Variants in DSCAM observed in about 807,000 individuals in gnomAD.
DSCAM encodes the protein DS cell adhesion molecule.
DSCAM carries 47 observed loss-of-function variants against 217.7 expected under a neutral mutation model. That is an observed-to-expected ratio of 0.22 (90% CI 0.17 to 0.28). The LOEUF is 0.28. Ranked by LOEUF, DSCAM falls within the 10% of genes least tolerant of loss-of-function variation. The probability of loss-of-function intolerance (pLI) is 1.00; values close to 1 mark genes in which losing one functional copy is unlikely to be tolerated. For synonymous variants in DSCAM, 1,056 were observed against 1,015.3 expected, an observed-to-expected ratio of 1.04 and a Z score of -0.76; for missense variants, 2,080 against 2,618.3, an observed-to-expected ratio of 0.79 and a Z score of 4.49.
At chr21:40,495,581 C>T (rs979632655) in intron 3 of DSCAM, among the ~76,000 whole-genome samples, 2 of 152,028 alleles carry the variant, frequency 1.3e-5, no homozygotes, top group African/African-American at 4.8e-5. Flanking sequence ...ACATTGTACA[C>T]AATGATGAAA....
chr21:40,167,011 C>T (rs2090602350), intron 16 of DSCAM, among the ~76,000 whole-genome samples: 1 of 151,052 alleles, frequency 6.6e-6, no homozygotes, highest in Non-Finnish European at 1.5e-5. Context: ...GATACAACCA[C>T]TTTATTCTCT....
intron 8 of DSCAM, among the ~76,000 whole-genome samples, chr21:40,336,036 T>G (rs1161895723): frequency 6.6e-6 from 1 of 152,194 alleles, no homozygotes; most frequent in Admixed American, 6.5e-5. Flanking sequence ...ACATAACAGT[T>G]TTATTACATC....
chr21:40,436,545 T>C (rs911152330), intron 3 of DSCAM, among the ~76,000 whole-genome samples: 1 of 152,122 alleles, frequency 6.6e-6, no homozygotes, highest in Admixed American at 6.6e-5. Flanking sequence ...GATTCTTAAC[T>C]CTCCACTGAG....
At chr21:40,327,550 C>T (rs2074331131) in intron 8 of DSCAM, among the ~76,000 whole-genome samples, 1 of 151,530 alleles carries the variant, frequency 6.6e-6, no homozygotes, top group Non-Finnish European at 1.5e-5. Flanking sequence ...CTTTCTCTTG[C>T]CTAATTGCTT....
chr21:40,828,924 C>A (rs376780082), intron 1 of DSCAM, among the ~76,000 whole-genome samples: 2 of 152,198 alleles, frequency 1.3e-5, no homozygotes, highest in Non-Finnish European at 2.9e-5. Context: ...TCCTGAAGTG[C>A]TGGGATTACA....
At chr21:40,648,017 G>A (rs1047113641) in intron 3 of DSCAM, among the ~76,000 whole-genome samples, 1 of 152,164 alleles carries the variant, frequency 6.6e-6, no homozygotes, top group Admixed American at 6.5e-5. Flanking sequence ...CTTGGTGCAT[G>A]CAACAGCACA....
At chr21:40,014,073 A>G (rs1470765578) in intron 32 of DSCAM, among the ~76,000 whole-genome samples, 3 of 152,216 alleles carry the variant, frequency 2.0e-5, no homozygotes, top group Non-Finnish European at 4.4e-5. Context: ...TGCCACGCAA[A>G]CATAACCTCA....
chr21:40,800,293 A>C (rs897842386), intron 1 of DSCAM, among the ~76,000 whole-genome samples: 5 of 152,170 alleles, frequency 3.3e-5, no homozygotes, highest in African/African-American at 1.2e-4. Context: ...TAAGACAGAA[A>C]ATTGGTACCA....
intron 1 of DSCAM, among the ~76,000 whole-genome samples, chr21:40,713,249 G>A (rs1250114396): frequency 1.3e-5 from 2 of 152,108 alleles, no homozygotes; most frequent in South Asian, 2.1e-4. Flanking sequence ...ACTTTTCACT[G>A]GTGTCATATA....
chr21:40,546,631 G>A (rs558411095), intron 3 of DSCAM, among the ~76,000 whole-genome samples: 1 of 152,292 alleles, frequency 6.6e-6, no homozygotes, highest in East Asian at 1.9e-4. Flanking sequence ...GGACCTCAGT[G>A]GCCTTTGGTT....
intron 22 of DSCAM, 113 bp from the exon 23 acceptor site, chr21:40,085,878 T>C: frequency 2.2e-6 from 2 of 930,174 alleles, no homozygotes; most frequent in Non-Finnish European, 3.0e-6. Context: ...GGAAGCTTCA[T>C]ATTTCTTGCA....
At chr21:40,620,033 A>C (rs1345651217) in intron 3 of DSCAM, among the ~76,000 whole-genome samples, 3 of 129,030 alleles carry the variant, frequency 2.3e-5, no homozygotes, top group Non-Finnish European at 4.9e-5. Flanking sequence ...AGAAAGAGAG[A>C]GAGAAAGAGA....
chr21:40,094,976 C>G (rs1374674900), intron 20 of DSCAM, among the ~76,000 whole-genome samples: 1 of 152,094 alleles, frequency 6.6e-6, no homozygotes, highest in African/African-American at 2.4e-5. Context: ...ACAGCGATAC[C>G]ATGGAGTCTG....
chr21:40,160,347 T>C (rs1457332007), intron 16 of DSCAM, among the ~76,000 whole-genome samples: 1 of 152,232 alleles, frequency 6.6e-6, no homozygotes, highest in Non-Finnish European at 1.5e-5. Flanking sequence ...TGTATTCTAA[T>C]TATATATAAT....
At chr21:40,457,937 T>G (rs1269160035) in intron 3 of DSCAM, among the ~76,000 whole-genome samples, 2 of 152,176 alleles carry the variant, frequency 1.3e-5, no homozygotes, top group Non-Finnish European at 2.9e-5. Flanking sequence ...GCATGGCCCT[T>G]TATGATGAGT....
At chr21:40,761,759 G>A (rs1006152265) in intron 1 of DSCAM, among the ~76,000 whole-genome samples, 2 of 152,144 alleles carry the variant, frequency 1.3e-5, no homozygotes, top group Middle Eastern at 3.2e-3. Context: ...TACTTTCAGG[G>A]ATCATTTCTA....
chr21:40,739,220 T>C (rs2091096971), intron 1 of DSCAM, among the ~76,000 whole-genome samples: 1 of 148,844 alleles, frequency 6.7e-6, no homozygotes, highest in South Asian at 2.2e-4. Context: ...AAGAGGACAA[T>C]GGCAGGAGCA....
In DSCAM at chr21:40,638,526, T is replaced by G. The variant is rs980794150; in HGVS notation, c.508+54284A>C. ...GCAAAGGAACTCAGAGTTTATAAAATTTAAATATAAGATAGACAGTCACAA... is the reference window on the plus strand; with the variant it reads ...GCAAAGGAACTCAGAGTTTATAAAAGTTAAATATAAGATAGACAGTCACAA... On this transcript the variant is annotated intron_variant, in intron 3 of 32. Coordinates refer to ENST00000400454, the MANE Select transcript of DSCAM (RefSeq NM_001389.5). 2.0e-5 allele frequency among the ~76,000 whole-genome samples: 3 copies of G among 152,162 alleles called. No individual in the cohort carries two copies. The South Asian group carries it at 6.2e-4, about 32-fold the overall frequency.
At chr21:40,386,305 T>C (rs2075084179) in intron 3 of DSCAM, among the ~76,000 whole-genome samples, 1 of 152,256 alleles carries the variant, frequency 6.6e-6, no homozygotes, top group African/African-American at 2.4e-5. Flanking sequence ...GTCAGGACAC[T>C]AAGCTTCTTC....
Sources: gnomAD v4.1 joint callset for allele counts (sites outside exome capture counted in the v4.1 genomes callset) on GRCh38, gnomAD v4.1.1 for gene constraint, MANE v1.5 for transcripts, NCBI Gene and HGNC (gene_info 2026-07-23, HGNC 2026-07-21) for gene names.